The following GSS variants were observed in gnomAD, a reference collection of about 807,000 sequenced individuals.
GSS encodes GSH synthetase.
Under a neutral mutation model 60.4 loss-of-function variants are expected in GSS, and 34 were observed. That is an observed-to-expected ratio of 0.56 (90% confidence interval 0.43 to 0.75). The LOEUF (loss-of-function observed/expected upper bound fraction) is 0.75, where lower values mean the gene tolerates loss of function less well. Among genes scored for constraint, GSS ranks in the 30% least tolerant of loss-of-function variants. GSS has a pLI of 0.00. For missense variants in GSS, 499 were observed against 595.1 expected (o/e 0.84, Z 1.68); for synonymous variants, 224 against 239.0 (o/e 0.94, Z 0.58).
At chr20:34,930,584 A>G (rs1014983209) in intron 11 of GSS, among the ~76,000 whole-genome samples, 3 of 152,138 alleles carry the variant, frequency 2.0e-5, no homozygotes, top group Admixed American at 1.3e-4. Context: ...TTCTGCTTCC[A>G]GTGTCTCCCC....
Position 34,942,345 on chromosome 20 carries a change from G to C in GSS, c.491+143C>G, listed in dbSNP as rs954362066. On this transcript the variant is annotated intron_variant, in intron 5 of 12. Transcript: ENST00000651619. ...AAGGATCTCATTACAAGTGGAAACT[G>C]CTGTCGGGGTGGCCAGGGGCAACAT... 3.5e-5 allele frequency: 25 copies of C among 715,834 alleles called. No homozygotes were observed. In the East Asian group the frequency reaches 6.3e-4, roughly 18 times the overall value. The allele number at this position is 715,834 out of a possible 1,614,324, so 44.3% of individuals were successfully genotyped here.
Position 34,941,830 on chromosome 20 carries a change from C to T in GSS, c.492-1G>A, listed in dbSNP as rs1431352013. ...CTTACTCAGGACACTGAGAACATGT[C>T]TGTTGGAAGAGAGATGGCTGTTCAG... On this transcript the variant is annotated splice_acceptor_variant, in intron 5 of 12. Coordinates refer to ENST00000651619, the MANE Select transcript of GSS (RefSeq NM_000178.4). LOFTEE classifies it high-confidence loss of function. 1 of 1,551,848 alleles carries T rather than the reference C, an allele frequency of 6.4e-7. No individual in the cohort carries two copies. The highest frequency in any genetic ancestry group is 8.9e-7 in the Non-Finnish European group (1 of 1,124,964).
chr20:34,953,993 T>A (rs542670729), intron 1 of GSS, among the ~76,000 whole-genome samples: 1 of 152,318 alleles, frequency 6.6e-6, no homozygotes, highest in East Asian at 1.9e-4. Context: ...GCTCTATACA[T>A]GAGACCATTT....
chr20:34,931,851 A>G, intron 10 of GSS, 88 bp downstream of exon 10: 1 of 1,258,420 alleles, frequency 7.9e-7, no homozygotes, highest in Non-Finnish European at 1.2e-6. Flanking sequence ...CCTTGTCACA[A>G]TGCCAGCTCC....
chr20:34,932,724 T>A (rs901209563), intron 9 of GSS, among the ~76,000 whole-genome samples: 6 of 152,210 alleles, frequency 3.9e-5, no homozygotes, highest in African/African-American at 1.4e-4. Flanking sequence ...CATAATTCTC[T>A]TTTTACCCAG....
At chr20:34,929,050 T>A in intron 12 of GSS, 99 bp from the exon 13 acceptor site, 1 of 1,435,688 alleles carries the variant, frequency 7.0e-7, no homozygotes, top group Non-Finnish European at 9.8e-7. Context: ...TAACTGTCTA[T>A]ACCAAGAAAG....
intron 6 of GSS, among the ~76,000 whole-genome samples, chr20:34,938,724 G>T (rs571135747): frequency 2.4e-4 from 37 of 152,184 alleles, no homozygotes; most frequent in Non-Finnish European, 3.8e-4. Flanking sequence ...TCAGAGCTGG[G>T]CTCAGAAAAC....
Position 34,950,755 on chromosome 20 carries a change from C to T in GSS, c.129+969G>A, listed in dbSNP as rs1027152140. On this transcript the variant is annotated intron_variant, in intron 2 of 12. Transcript: ENST00000651619. ...CTACACTCCAGCCTGGGCAACAGAG[C>T]GAGGCCCCAAGGAATATATTTACTT... 1.2e-4 allele frequency among the ~76,000 whole-genome samples: 18 copies of T among 151,988 alleles called. 1 individual carries two copies. The South Asian group carries it at 3.1e-3, about 26-fold the overall frequency.
chr20:34,929,406 A>G lies in GSS; in HGVS notation c.1296T>C (p.Tyr432=). ...GCTTCTCCTGATTGGCTCACCTGAC[A>G]TAGACCCCAAAGATGCCCAGCTCTG... ...CISELGIFGV[Y]VRQEKTLVMN... Residue 432 remains tyrosine (Y), a synonymous_variant, in exon 12 of 13, where the codon TAT becomes TAC. Coordinates refer to ENST00000651619, the MANE Select transcript of GSS (RefSeq NM_000178.4). The G allele has an allele frequency of 1.9e-6, 3 of 1,613,774 alleles. No individual in the cohort carries two copies. Among genetic ancestry groups the G allele is most frequent in the Non-Finnish European group, 2.5e-6 (3 of 1,179,648 alleles).
intron 6 of GSS, among the ~76,000 whole-genome samples, chr20:34,938,864 G>T (rs1254348787): frequency 6.6e-6 from 1 of 152,206 alleles, no homozygotes; most frequent in Non-Finnish European, 1.5e-5. Flanking sequence ...TCCAGGCTCT[G>T]CCAGTGACTT....
intron 2 of GSS, among the ~76,000 whole-genome samples, chr20:34,947,369 T>C (rs1248922219): frequency 6.6e-6 from 1 of 152,226 alleles, no homozygotes; most frequent in Non-Finnish European, 1.5e-5. Flanking sequence ...ATTACAGGCA[T>C]GAGCCACCAT....
intron 9 of GSS, among the ~76,000 whole-genome samples, chr20:34,934,753 C>A (rs1600380646): frequency 6.6e-6 from 1 of 152,252 alleles, no homozygotes; most frequent in African/African-American, 2.4e-5. Flanking sequence ...CTAGAAGGAG[C>A]CCCCTCAGTT....
intron 3 of GSS, 26 bp downstream of exon 3, chr20:34,945,927 C>A: frequency 6.2e-7 from 1 of 1,612,722 alleles, no homozygotes; most frequent in South Asian, 1.1e-5. Flanking sequence ...CAGCTCCTGG[C>A]CCCCCAATGC....
At chr20:34,934,604 A>C (rs775441110) in intron 9 of GSS, among the ~76,000 whole-genome samples, 5 of 152,034 alleles carry the variant, frequency 3.3e-5, no homozygotes, top group Non-Finnish European at 7.4e-5. Context: ...TAGACAGTTT[A>C]TCTCTCCTGT....
chr20:34,952,031 T>C lies in GSS; in HGVS notation c.-8-171A>G, dbSNP rs1020954409. The stretch of plus-strand genomic sequence containing the variant: ...TGGTTCTAGCTCTTAACAACTTCCA[T>C]GTGCACAAAATAGAAAGCTTGACAA... On this transcript the variant is annotated intron_variant, in intron 1 of 12. Coordinates refer to ENST00000651619, the MANE Select transcript of GSS (RefSeq NM_000178.4). 3 of 676,536 alleles carry C rather than the reference T, an allele frequency of 4.4e-6. No homozygotes were observed. In the Admixed American group the frequency reaches 6.6e-5, roughly 15 times the overall value. The allele number at this position is 676,536 out of a possible 1,614,324, so 41.9% of individuals were successfully genotyped here.
At chr20:34,931,038 A>G (rs2081396836) in intron 11 of GSS, among the ~76,000 whole-genome samples, 1 of 152,176 alleles carries the variant, frequency 6.6e-6, no homozygotes, top group Admixed American at 6.5e-5. Context: ...CTAGAAAGGA[A>G]AACAGACATG....
chr20:34,945,153 T>C (rs905627790), intron 3 of GSS, among the ~76,000 whole-genome samples: 2 of 151,680 alleles, frequency 1.3e-5, no homozygotes, highest in African/African-American at 2.4e-5. Context: ...CCCAAGTAGC[T>C]GGGATTATAG....
At chr20:34,942,364 G>T in intron 5 of GSS, 124 bp downstream of exon 5, 1 of 890,336 alleles carries the variant, frequency 1.1e-6, no homozygotes, top group Non-Finnish European at 1.8e-6. Context: ...GTGGCCAGGG[G>T]CAACATGTGA....
At position 34,945,884 on chromosome 20, in the gene GSS, C is replaced by T. The variant is rs149490024; in HGVS notation, c.275+69G>A. Reference sequence around the variant, plus strand: ...AGTCAGCTGACACAGTAACACCTCACGGCTCTGCAATCTTCCAGTTCCTTG... The same window carrying T: ...AGTCAGCTGACACAGTAACACCTCATGGCTCTGCAATCTTCCAGTTCCTTG... On this transcript the variant is annotated intron_variant, in intron 3 of 12. Transcript: ENST00000651619. 1,277 of 1,528,844 alleles carry T rather than the reference C, an allele frequency of 8.4e-4. 7 individuals carry two copies. The African/African-American group carries it at 0.014, about 17-fold the overall frequency. The allele number at this position is 1,528,844 out of a possible 1,614,324, so 94.7% of individuals were successfully genotyped here. A position where few individuals can be genotyped will look rare whatever the true frequency, so the allele number is the denominator to read the frequency against.
Sources: allele counts gnomAD v4.1 joint callset (sites outside exome capture counted in the v4.1 genomes callset), GRCh38; gene constraint gnomAD v4.1.1; transcripts MANE v1.5; gene names NCBI Gene and HGNC (gene_info 2026-07-23, HGNC 2026-07-21).